The following SGCZ variants were observed in gnomAD, a reference collection of about 807,000 sequenced individuals.
SGCZ encodes the protein sarcoglycan zeta.
In SGCZ, 40 loss-of-function variants were observed where a neutral mutation model predicts 41.3. That is an observed-to-expected ratio of 0.97 (90% CI 0.75 to 1.26). The LOEUF is 1.26. Among genes scored for constraint, SGCZ ranks in the 50% most tolerant of loss-of-function variants. SGCZ has a pLI of 0.00. For missense variants in SGCZ, 552 were observed against 369.8 expected, an observed-to-expected ratio of 1.49 and a Z score of -4.04; for synonymous variants, 206 against 137.5, an observed-to-expected ratio of 1.50 and a Z score of -3.49.
chr8:14,502,751 T>C (rs954871556), intron 2 of SGCZ, among the ~76,000 whole-genome samples: 1 of 152,188 alleles, frequency 6.6e-6, no homozygotes, highest in Admixed American at 6.5e-5. Context: ...CAAAATGAGA[T>C]ACCATGTCAC....
At position 15,020,985 on chromosome 8, in the gene SGCZ, C is replaced by T. The variant is rs575553386; in HGVS notation, c.39+216600G>A. Among the ~76,000 whole-genome samples the T allele has an allele frequency of 3.9e-5, 6 of 152,228 alleles. 1 individual carries two copies. The South Asian group carries it at 1.2e-3, about 32-fold the overall frequency. ...TGGTCTCTTGAAATCAAATCATATC[C>T]TGAAAATTTTGCTAAAAGAGACATT... On this transcript the variant is annotated intron_variant, in intron 1 of 7. Transcript: ENST00000382080.
chr8:14,839,251 G>T (rs1224764313), intron 1 of SGCZ, among the ~76,000 whole-genome samples: 1 of 151,798 alleles, frequency 6.6e-6, no homozygotes, highest in Non-Finnish European at 1.5e-5. Context: ...GAAAGAGAGA[G>T]AAAAAAATAT....
chr8:14,161,792 AT>A (rs1487738584), intron 5 of SGCZ, among the ~76,000 whole-genome samples: 1 of 152,180 alleles, frequency 6.6e-6, no homozygotes, highest in African/African-American at 2.4e-5. Context: ...ATGTGCATAT[AT>A]TTGAGACAGA....
At chr8:15,010,278 T>C (rs1802778699) in intron 1 of SGCZ, among the ~76,000 whole-genome samples, 1 of 152,208 alleles carries the variant, frequency 6.6e-6, no homozygotes, top group African/African-American at 2.4e-5. Context: ...TTTTATGTTT[T>C]ATGTATTGAT....
chr8:15,075,890 T>C (rs7011953), intron 1 of SGCZ, among the ~76,000 whole-genome samples: 22,481 of 151,644 alleles, frequency 0.15, 1,805 homozygotes, highest in Middle Eastern at 0.26. Flanking sequence ...GAATCACTGA[T>C]AAGTACTAGG....
chr8:15,152,581 C>T (rs1799210336), intron 1 of SGCZ, among the ~76,000 whole-genome samples: 2 of 152,160 alleles, frequency 1.3e-5, no homozygotes, highest in African/African-American at 4.8e-5. Flanking sequence ...AAGCCATTAT[C>T]TTTTCAGCAA....
At chr8:14,523,235 T>A (rs1315371019) in intron 2 of SGCZ, among the ~76,000 whole-genome samples, 2 of 152,028 alleles carry the variant, frequency 1.3e-5, no homozygotes, top group Non-Finnish European at 2.9e-5. Flanking sequence ...TCTATTAAAC[T>A]TACCAATATT....
intron 2 of SGCZ, among the ~76,000 whole-genome samples, chr8:14,554,496 G>A (rs929457243): frequency 2.0e-5 from 3 of 151,940 alleles, no homozygotes; most frequent in Non-Finnish European, 2.9e-5. Context: ...TCAATGTGCT[G>A]TACTGTCTCG....
At chr8:14,174,366 G>A (rs1250983382) in intron 4 of SGCZ, among the ~76,000 whole-genome samples, 1 of 152,094 alleles carries the variant, frequency 6.6e-6, no homozygotes, top group Non-Finnish European at 1.5e-5. Context: ...TTACAAGGAT[G>A]CCAAACAATT....
chr8:14,646,454 G>C (rs895673678), intron 1 of SGCZ, among the ~76,000 whole-genome samples: 2 of 151,836 alleles, frequency 1.3e-5, no homozygotes, highest in African/African-American at 4.8e-5. Flanking sequence ...ACCCACTGTT[G>C]ATGGGCACTT....
chr8:14,472,966 G>A (rs537709856), intron 2 of SGCZ, among the ~76,000 whole-genome samples: 43 of 152,148 alleles, frequency 2.8e-4, no homozygotes, highest in Non-Finnish European at 4.1e-4. Flanking sequence ...TGCAAGACCC[G>A]GTTGGTGTTA....
chr8:14,686,578 C>T (rs961562743), intron 1 of SGCZ, among the ~76,000 whole-genome samples: 7 of 151,924 alleles, frequency 4.6e-5, no homozygotes, highest in African/African-American at 7.3e-5. Context: ...AACAGGAAGA[C>T]GGCCAGGTTT....
At chr8:14,552,906 G>A (rs150897889) in intron 2 of SGCZ, among the ~76,000 whole-genome samples, 3 of 152,210 alleles carry the variant, frequency 2.0e-5, no homozygotes, top group Admixed American at 2.0e-4. Context: ...CCTGAAGTGA[G>A]AGAGCTTGTC....
chr8:14,520,134 C>G (rs1283366123), intron 2 of SGCZ, among the ~76,000 whole-genome samples: 1 of 152,082 alleles, frequency 6.6e-6, no homozygotes, highest in Non-Finnish European at 1.5e-5. Context: ...GCCAAGTCCT[C>G]TAAGGTATAC....
intron 1 of SGCZ, among the ~76,000 whole-genome samples, chr8:14,733,005 G>A (rs766808911): frequency 3.3e-5 from 5 of 151,320 alleles, no homozygotes; most frequent in East Asian, 2.0e-4. Context: ...TTTCTGATGC[G>A]TTTTCATCTG....
intron 1 of SGCZ, among the ~76,000 whole-genome samples, chr8:14,693,319 T>A (rs1177722577): frequency 6.7e-6 from 1 of 149,006 alleles, no homozygotes; most frequent in Admixed American, 6.7e-5. Flanking sequence ...CCAGATGAAA[T>A]CTTGCTCTGT....
chr8:14,604,605 A>G (rs780016786), intron 1 of SGCZ, among the ~76,000 whole-genome samples: 4 of 152,174 alleles, frequency 2.6e-5, no homozygotes, highest in Non-Finnish European at 5.9e-5. Context: ...TAAAAGGATT[A>G]TCATTCCTCC....
At chr8:14,482,284 C>A (rs1347765272) in intron 2 of SGCZ, among the ~76,000 whole-genome samples, 1 of 152,142 alleles carries the variant, frequency 6.6e-6, no homozygotes, top group East Asian at 1.9e-4. Context: ...ACTGCGTAAA[C>A]CTGTGCAACA....
intron 1 of SGCZ, among the ~76,000 whole-genome samples, chr8:15,015,125 C>A (rs565906986): frequency 1.1e-4 from 17 of 152,156 alleles, no homozygotes; most frequent in African/African-American, 4.1e-4. Context: ...CACCTATAGT[C>A]CCAGCTACTT....
Sources: gnomAD v4.1 joint callset for allele counts (sites outside exome capture counted in the v4.1 genomes callset) on GRCh38, gnomAD v4.1.1 for gene constraint, MANE v1.5 for transcripts, NCBI Gene and HGNC (gene_info 2026-07-23, HGNC 2026-07-21) for gene names.